Variants in IL12RB2 observed in about 807,000 individuals in gnomAD.
IL12RB2 encodes the protein interleukin 12 receptor subunit beta 2.
A neutral mutation model predicts 89.4 loss-of-function variants in IL12RB2; 82 were observed. The observed-to-expected ratio is 0.92, with a 90% confidence interval of 0.77 to 1.10. The LOEUF (loss-of-function observed/expected upper bound fraction) is 1.10. Ranked by LOEUF, IL12RB2 falls within the 50% of genes least tolerant of loss-of-function variation. IL12RB2 has a pLI of 0.00. For synonymous variants in IL12RB2, 368 were observed against 370.1 expected (o/e 0.99, Z 0.07); for missense variants, 963 against 1,031.9 (o/e 0.93, Z 0.92).
chr1:67,363,775 A>G (rs1223924749), intron 10 of IL12RB2, among the ~76,000 whole-genome samples: 1 of 152,212 alleles, frequency 6.6e-6, no homozygotes, highest in Non-Finnish European at 1.5e-5. Flanking sequence ...GTAAATGTAT[A>G]TTGCAAATAG....
chr1:67,339,386 C>T (rs1659259512), intron 9 of IL12RB2, among the ~76,000 whole-genome samples: 1 of 151,526 alleles, frequency 6.6e-6, no homozygotes, highest in Non-Finnish European at 1.5e-5. Context: ...ACTGGGGAGG[C>T]TGAGGCACGA....
intron 1 of IL12RB2, among the ~76,000 whole-genome samples, chr1:67,308,174 C>G (rs1016874433): frequency 6.6e-6 from 1 of 152,056 alleles, no homozygotes; most frequent in South Asian, 2.1e-4. Flanking sequence ...ACAGTCCTAA[C>G]GCCCTGGGCA....
chr1:67,372,078 CTGTGTG>C (rs10674846), intron 11 of IL12RB2, among the ~76,000 whole-genome samples: 1 of 143,974 alleles, frequency 6.9e-6, no homozygotes, highest in Non-Finnish European at 1.5e-5. Flanking sequence ...GTGTGTGTGT[CTGTGTG>C]TGTGTGTGTG....
intron 14 of IL12RB2, 54 bp downstream of exon 14, chr1:67,380,177 G>A (rs1570158091): frequency 6.4e-7 from 1 of 1,563,434 alleles, no homozygotes; most frequent in East Asian, 2.2e-5. Context: ...GCACAGGCAT[G>A]CACTCCTATT....
chr1:67,330,504 G>T (rs1268568708), intron 7 of IL12RB2, among the ~76,000 whole-genome samples, 156 bp from the exon 8 acceptor site: 1 of 150,778 alleles, frequency 6.6e-6, no homozygotes, highest in Non-Finnish European at 1.5e-5. Flanking sequence ...TATCTATTCG[G>T]TAAGACAGTC....
chr1:67,348,918 T>C (rs1400801457), intron 9 of IL12RB2, among the ~76,000 whole-genome samples: 8 of 152,204 alleles, frequency 5.3e-5, no homozygotes, highest in African/African-American at 1.9e-4. Flanking sequence ...CTTGTCCACC[T>C]ACTTCCATCC....
intron 9 of IL12RB2, among the ~76,000 whole-genome samples, chr1:67,350,640 C>T (rs944213090): frequency 2.0e-5 from 3 of 152,122 alleles, no homozygotes; most frequent in South Asian, 2.1e-4. Context: ...AAAATCAATG[C>T]GTTCTTAAGA....
intron 14 of IL12RB2, 87 bp downstream of exon 14, chr1:67,380,210 G>T: frequency 7.0e-7 from 1 of 1,431,488 alleles, no homozygotes; most frequent in Non-Finnish European, 9.8e-7. Context: ...GAGATAATCA[G>T]ATTTTCTTTA....
intron 11 of IL12RB2, among the ~76,000 whole-genome samples, chr1:67,368,739 C>T (rs1374909402): frequency 6.6e-6 from 1 of 152,198 alleles, no homozygotes; most frequent in African/African-American, 2.4e-5. Flanking sequence ...AGTCTTGGCT[C>T]TGTCTGTGTG....
intron 1 of IL12RB2, among the ~76,000 whole-genome samples, chr1:67,310,184 C>CA (rs890229904): frequency 0.068 from 2,316 of 34,282 alleles, 35 homozygotes; most frequent in Non-Finnish European, 0.099. Context: ...AACTTCATCT[C>CA]AAAAAAAAAA....
chr1:67,392,224 A>G (rs1026734841), intron 16 of IL12RB2, among the ~76,000 whole-genome samples: 2 of 152,216 alleles, frequency 1.3e-5, no homozygotes, highest in African/African-American at 2.4e-5. Context: ...GTTGTGTAGT[A>G]TAAGTGTATT....
chr1:67,366,203 G>A (rs1020225273), intron 10 of IL12RB2, among the ~76,000 whole-genome samples: 11 of 152,070 alleles, frequency 7.2e-5, no homozygotes, highest in African/African-American at 2.7e-4. Flanking sequence ...TGTAATCCCA[G>A]CACTTTGGGA....
chr1:67,330,414 G>A (rs1360471211), intron 7 of IL12RB2, among the ~76,000 whole-genome samples: 1 of 151,968 alleles, frequency 6.6e-6, no homozygotes, highest in Non-Finnish European at 1.5e-5. Flanking sequence ...TTCCCCTCGA[G>A]AACCTACATA....
At chr1:67,386,873 TA>T (rs1198771566) in intron 15 of IL12RB2, among the ~76,000 whole-genome samples, 220 of 2,192 alleles carry the variant, frequency 0.1, 1 homozygote, top group South Asian at 0.29. Context: ...AAATGTATTT[TA>T]TATATATATA....
At chr1:67,380,807 A>T (rs929122180) in intron 14 of IL12RB2, among the ~76,000 whole-genome samples, 9 of 152,112 alleles carry the variant, frequency 5.9e-5, no homozygotes, top group Admixed American at 5.9e-4. Flanking sequence ...CTTGGCTTGT[A>T]GGTCTCTGCT....
intron 1 of IL12RB2, among the ~76,000 whole-genome samples, chr1:67,313,519 T>A (rs1655360988): frequency 6.6e-6 from 1 of 152,082 alleles, no homozygotes; most frequent in Non-Finnish European, 1.5e-5. Flanking sequence ...CTAGAAGTGA[T>A]GTTGGATTAG....
intron 13 of IL12RB2, among the ~76,000 whole-genome samples, chr1:67,375,763 C>T (rs1663892563): frequency 6.6e-6 from 1 of 152,062 alleles, no homozygotes; most frequent in South Asian, 2.1e-4. Context: ...TGGTTCTGTG[C>T]ACAGCCACTC....
intron 9 of IL12RB2, among the ~76,000 whole-genome samples, chr1:67,341,577 A>AAGAAAG (rs1558318376): frequency 4.8e-5 from 7 of 146,560 alleles, no homozygotes; most frequent in African/African-American, 1.7e-4. Context: ...GAAAGAAAGA[A>AAGAAAG]AGAAAGAAAA....
intron 8 of IL12RB2, among the ~76,000 whole-genome samples, chr1:67,336,600 T>C (rs1658798024): frequency 6.6e-6 from 1 of 152,016 alleles, no homozygotes; most frequent in Non-Finnish European, 1.5e-5. Flanking sequence ...AAGAAGTGAA[T>C]GTTTAGAAAA....
Sources: gnomAD v4.1 joint callset for allele counts (sites outside exome capture counted in the v4.1 genomes callset) on GRCh38, gnomAD v4.1.1 for gene constraint, MANE v1.5 for transcripts, NCBI Gene and HGNC (gene_info 2026-07-23, HGNC 2026-07-21) for gene names.